SYT1: variants seen among roughly 807,000 people sequenced by gnomAD.
SYT1 encodes the protein synaptotagmin-1.
A neutral mutation model predicts 44.8 loss-of-function variants in SYT1; 8 were observed. The observed-to-expected ratio is 0.18, with a 90% confidence interval of 0.10 to 0.32. SYT1 has a LOEUF of 0.32. Ranked by LOEUF, SYT1 falls within the 10% of genes least tolerant of loss-of-function variation. SYT1 has a pLI of 1.00. For synonymous variants in SYT1, 154 were observed against 188.8 expected (o/e 0.82, Z 1.51); for missense variants, 286 against 509.3 (o/e 0.56, Z 4.22).
chr12:79,423,743 C>T (rs753048043), intron 9 of SYT1, among the ~76,000 whole-genome samples: 2 of 151,766 alleles, frequency 1.3e-5, no homozygotes, highest in Non-Finnish European at 2.9e-5. Flanking sequence ...ATGTTATGGT[C>T]GAGATGTTAT....
At chr12:79,017,450 C>A (rs1373055341) in intron 2 of SYT1, among the ~76,000 whole-genome samples, 2 of 152,020 alleles carry the variant, frequency 1.3e-5, no homozygotes, top group African/African-American at 2.4e-5. Flanking sequence ...TAGGATAGTT[C>A]AAAAATATAA....
At chr12:79,322,333 T>C (rs989625346) in intron 8 of SYT1, among the ~76,000 whole-genome samples, 1 of 152,206 alleles carries the variant, frequency 6.6e-6, no homozygotes, top group Admixed American at 6.5e-5. Flanking sequence ...TGGCCTCATC[T>C]TCTGCACCTT....
chr12:78,885,317 G>GATGAAGGAAGGA (rs1874674826), intron 1 of SYT1, among the ~76,000 whole-genome samples: 1 of 132,158 alleles, frequency 7.6e-6, no homozygotes. Context: ...GAGAGGGAGG[G>GATGAAGGAAGGA]AAGAAGGAAG....
At chr12:79,322,027 T>C (rs1487110023) in intron 8 of SYT1, among the ~76,000 whole-genome samples, 6 of 152,086 alleles carry the variant, frequency 3.9e-5, no homozygotes, top group Admixed American at 3.3e-4. Context: ...AGGGCCAAGA[T>C]GAAGTGACCC....
At chr12:79,042,758 C>T (rs1239200226) in intron 2 of SYT1, among the ~76,000 whole-genome samples, 12 of 149,822 alleles carry the variant, frequency 8.0e-5, no homozygotes, top group African/African-American at 2.9e-4. Context: ...CTCCTGTGGG[C>T]ATTTAGTGCT....
Position 79,442,133 on chromosome 12 carries a change from G to A in SYT1, c.929-1940G>A, listed in dbSNP as rs140742791. Reference sequence around the variant, plus strand: ...AGAAAACCTATGCCTCACTTAGGTTGACAAAGTTTCAACACATGAACACAG... The same window carrying A: ...AGAAAACCTATGCCTCACTTAGGTTAACAAAGTTTCAACACATGAACACAG... On this transcript the variant is annotated intron_variant, in intron 9 of 10. Transcript: ENST00000261205. 6.0e-4 allele frequency among the ~76,000 whole-genome samples: 92 copies of A among 152,270 alleles called. 1 individual carries two copies. Among genetic ancestry groups the A allele is most frequent in the African/African-American group, 2.1e-3 (87 of 41,558 alleles).
At chr12:78,974,228 C>A (rs1477739803) in intron 1 of SYT1, among the ~76,000 whole-genome samples, 7 of 150,620 alleles carry the variant, frequency 4.6e-5, no homozygotes, top group Non-Finnish European at 8.9e-5. Context: ...AAACATAGTA[C>A]AGTAAAAATA....
intron 3 of SYT1, among the ~76,000 whole-genome samples, chr12:79,117,455 T>TC (rs1879336998): frequency 2.6e-5 from 4 of 151,514 alleles, no homozygotes; most frequent in Admixed American, 2.6e-4. Flanking sequence ...TTCCACACCA[T>TC]CACTCTTCAA....
intron 1 of SYT1, chr12:78,977,549 A>T (rs1868936445): frequency 6.6e-6 from 1 of 152,172 alleles, no homozygotes; most frequent in Non-Finnish European, 1.5e-5. Context: ...TGATATGAAA[A>T]AGTTGCTCTT....
chr12:79,325,744 T>C (rs1182010064), intron 8 of SYT1, among the ~76,000 whole-genome samples: 1 of 152,220 alleles, frequency 6.6e-6, no homozygotes, highest in Non-Finnish European at 1.5e-5. Flanking sequence ...TCATGAGCCA[T>C]GCAAACTTGA....
chr12:79,354,157 A>G lies in SYT1; in HGVS notation c.928+538A>G, dbSNP rs1259717635. 5.3e-5 allele frequency among the ~76,000 whole-genome samples: 8 copies of G among 152,144 alleles called. No individual in the cohort carries two copies. In the East Asian group the frequency reaches 1.5e-3, roughly 29 times the overall value. ...CCACAGCTGACATTGAGGATGGGAG[A>G]GATGTGGGGATTGAAATTTCCATAC... On this transcript the variant is annotated intron_variant, in intron 9 of 10. Coordinates refer to ENST00000261205, the MANE Select transcript of SYT1 (RefSeq NM_005639.3).
intron 9 of SYT1, among the ~76,000 whole-genome samples, chr12:79,388,341 T>G (rs1884519691): frequency 6.6e-6 from 1 of 152,094 alleles, no homozygotes; most frequent in Non-Finnish European, 1.5e-5. Context: ...TCCTGCTTCT[T>G]TAAGGGGGAA....
At chr12:79,208,494 A>G (rs1000108963) in intron 3 of SYT1, among the ~76,000 whole-genome samples, 2 of 152,208 alleles carry the variant, frequency 1.3e-5, no homozygotes, top group African/African-American at 4.8e-5. Flanking sequence ...AGTTAAGACC[A>G]AGGAAGGGTT....
chr12:78,982,583 T>G (rs1250578846), intron 2 of SYT1, among the ~76,000 whole-genome samples: 1 of 152,142 alleles, frequency 6.6e-6, no homozygotes, highest in East Asian at 1.9e-4. Context: ...TCAATGCCTG[T>G]GTTGAGTTAC....
At chr12:78,966,574 A>G (rs958150816) in intron 1 of SYT1, among the ~76,000 whole-genome samples, 5 of 152,194 alleles carry the variant, frequency 3.3e-5, no homozygotes, top group Non-Finnish European at 7.3e-5. Context: ...CAAAAGATGT[A>G]TGGCAAACAT....
At chr12:79,420,682 G>A (rs1307653559) in intron 9 of SYT1, among the ~76,000 whole-genome samples, 1 of 152,108 alleles carries the variant, frequency 6.6e-6, no homozygotes, top group Non-Finnish European at 1.5e-5. Flanking sequence ...TGAGTAGAGA[G>A]TAGTCTTCCA....
chr12:78,988,981 C>T (rs940572023), intron 2 of SYT1, among the ~76,000 whole-genome samples: 3 of 151,970 alleles, frequency 2.0e-5, no homozygotes, highest in South Asian at 2.1e-4. Flanking sequence ...AATTAATAGA[C>T]TTGAGATATG....
At chr12:78,937,923 T>C (rs1051546042) in intron 1 of SYT1, among the ~76,000 whole-genome samples, 3 of 152,112 alleles carry the variant, frequency 2.0e-5, no homozygotes, top group Admixed American at 6.6e-5. Flanking sequence ...ATTTTCCAGT[T>C]ACTTGGGGAC....
intron 8 of SYT1, among the ~76,000 whole-genome samples, chr12:79,321,244 A>C (rs1308808398): frequency 2.0e-5 from 3 of 152,176 alleles, no homozygotes; most frequent in Non-Finnish European, 4.4e-5. Context: ...ATTTAAATCA[A>C]AAGTTTGCCT....
Sources: allele counts gnomAD v4.1 joint callset (sites outside exome capture counted in the v4.1 genomes callset), GRCh38; gene constraint gnomAD v4.1.1; transcripts MANE v1.5; gene names NCBI Gene and HGNC (gene_info 2026-07-23, HGNC 2026-07-21).